The following LUZP2 variants were observed in gnomAD, a reference collection of about 807,000 sequenced individuals.
LUZP2 encodes leucine zipper protein 2.
In LUZP2, 52 loss-of-function variants were observed where a neutral mutation model predicts 51.6. The observed-to-expected ratio is 1.01, with a 90% CI of 0.81 to 1.27. The LOEUF (loss-of-function observed/expected upper bound fraction) is 1.27. Among genes scored for constraint, LUZP2 ranks in the 50% most tolerant of loss-of-function variants. The pLI, the probability that LUZP2 is intolerant of heterozygous loss-of-function variation, is 0.00. For synonymous variants in LUZP2, 154 were observed against 137.3 expected (o/e 1.12, Z -0.85); for missense variants, 436 against 395.4 (o/e 1.10, Z -0.87).
chr11:24,616,081 G>A (rs1854276445), intron 1 of LUZP2, among the ~76,000 whole-genome samples: 1 of 151,358 alleles, frequency 6.6e-6, no homozygotes. Context: ...GTCCTTTGTG[G>A]CATATGTGGT....
Position 24,906,092 on chromosome 11 carries a change from A to G in LUZP2, c.459+39A>G, listed in dbSNP as rs780179375. The G allele has an allele frequency of 5.4e-6, 8 of 1,482,534 alleles. No homozygotes were observed. In the South Asian group the frequency reaches 9.3e-5, roughly 17 times the overall value. The allele number at this position is 1,482,534 out of a possible 1,614,324, so 91.8% of individuals were successfully genotyped here. A position where few individuals can be genotyped will look rare whatever the true frequency, so the allele number is the denominator to read the frequency against. On this transcript the variant is annotated intron_variant, in intron 6 of 11. Transcript: ENST00000336930. ...TGCTTCTTCTAGCTTTAACCAGATA[A>G]AAACAGTATTATTGTCAGATTTTTG...
intron 6 of LUZP2, among the ~76,000 whole-genome samples, chr11:24,908,754 T>A (rs1590716601): frequency 6.7e-6 from 1 of 150,278 alleles, no homozygotes. Context: ...TGTTTGTTTT[T>A]TTTCTTTTTT....
At chr11:24,612,307 G>A (rs1317716360) in intron 1 of LUZP2, among the ~76,000 whole-genome samples, 3 of 152,060 alleles carry the variant, frequency 2.0e-5, no homozygotes, top group Non-Finnish European at 4.4e-5. Flanking sequence ...GTTAATTTTA[G>A]TTTTGAAAAC....
chr11:25,052,440 A>C (rs12281943), intron 10 of LUZP2, among the ~76,000 whole-genome samples: 80,927 of 151,958 alleles, frequency 0.53, 22,281 homozygotes, highest in African/African-American at 0.62. Flanking sequence ...TTTTTGATTC[A>C]TCCAGATGAT....
At chr11:24,607,008 G>A (rs566510461) in intron 1 of LUZP2, among the ~76,000 whole-genome samples, 13 of 152,018 alleles carry the variant, frequency 8.6e-5, no homozygotes, top group South Asian at 4.2e-4. Context: ...TTGTTTTGCT[G>A]CTGAATTGTA....
intron 9 of LUZP2, among the ~76,000 whole-genome samples, chr11:25,016,565 TG>T (rs1160251509): frequency 6.6e-6 from 1 of 152,080 alleles, no homozygotes; most frequent in Admixed American, 6.6e-5. Context: ...TATCATGGTG[TG>T]GGTGTACCTA....
chr11:24,751,264 G>T (rs1859574792), intron 4 of LUZP2, among the ~76,000 whole-genome samples: 1 of 152,094 alleles, frequency 6.6e-6, no homozygotes, highest in African/African-American at 2.4e-5. Context: ...ACGAAATAAT[G>T]AGTGATTCCT....
intron 9 of LUZP2, among the ~76,000 whole-genome samples, chr11:25,042,816 T>C (rs1858114611): frequency 6.6e-6 from 1 of 152,176 alleles, no homozygotes; most frequent in South Asian, 2.1e-4. Context: ...TCTTCTTCTA[T>C]CTTATAAAGA....
intron 1 of LUZP2, among the ~76,000 whole-genome samples, chr11:24,664,614 C>T (rs960076572): frequency 4.6e-5 from 7 of 152,126 alleles, no homozygotes; most frequent in African/African-American, 1.2e-4. Flanking sequence ...CCCTGCTCTG[C>T]GCAGCCTCTG....
chr11:24,643,574 C>A (rs1243452674), intron 1 of LUZP2, among the ~76,000 whole-genome samples: 1 of 152,082 alleles, frequency 6.6e-6, no homozygotes, highest in Non-Finnish European at 1.5e-5. Context: ...CTGCTTCATG[C>A]CAACTACATA....
intron 5 of LUZP2, among the ~76,000 whole-genome samples, chr11:24,838,065 T>C (rs1486706): frequency 0.16 from 23,681 of 149,848 alleles, 2,042 homozygotes; most frequent in African/African-American, 0.22. Flanking sequence ...GTTACTATTT[T>C]TTCTCATTTA....
intron 9 of LUZP2, among the ~76,000 whole-genome samples, chr11:25,032,971 A>C (rs1175733758): frequency 6.6e-6 from 1 of 152,206 alleles, no homozygotes; most frequent in Non-Finnish European, 1.5e-5. Context: ...TAATTTAGAA[A>C]TAACTCTATT....
chr11:24,861,932 A>G (rs889580903), intron 5 of LUZP2, among the ~76,000 whole-genome samples: 3 of 152,090 alleles, frequency 2.0e-5, no homozygotes, highest in Admixed American at 2.0e-4. Context: ...AAATTCCCCT[A>G]CACTTCCTTG....
At chr11:24,722,773 T>G (rs976831724) in intron 1 of LUZP2, among the ~76,000 whole-genome samples, 6 of 151,692 alleles carry the variant, frequency 4.0e-5, no homozygotes, top group Admixed American at 6.6e-5. Context: ...AAAAATTAGC[T>G]GGGCGTGGGG....
chr11:24,524,729 GATAGGACACTGAGGC>G (rs1009904231), intron 1 of LUZP2, among the ~76,000 whole-genome samples: 12 of 151,674 alleles, frequency 7.9e-5, no homozygotes, highest in Admixed American at 7.9e-4. Flanking sequence ...TAGTGTGCTA[GATAGGACACTGAGGC>G]ATATTTGAAT....
At chr11:24,878,348 C>G (rs934213903) in intron 5 of LUZP2, among the ~76,000 whole-genome samples, 7 of 152,012 alleles carry the variant, frequency 4.6e-5, no homozygotes, top group African/African-American at 1.7e-4. Flanking sequence ...GTTCTCTCAG[C>G]TCTTTAAGTA....
At chr11:24,746,323 C>T (rs554230696) in intron 4 of LUZP2, among the ~76,000 whole-genome samples, 4 of 152,122 alleles carry the variant, frequency 2.6e-5, no homozygotes, top group Non-Finnish European at 5.9e-5. Context: ...CTTACTTTCA[C>T]TGGATACAAA....
intron 7 of LUZP2, among the ~76,000 whole-genome samples, chr11:24,944,165 C>T (rs926066558): frequency 1.3e-5 from 2 of 152,084 alleles, no homozygotes; most frequent in Non-Finnish European, 2.9e-5. Context: ...CCAGGCAACA[C>T]CCCAGACCAT....
chr11:24,903,793 G>C (rs1853352684), intron 5 of LUZP2, among the ~76,000 whole-genome samples: 1 of 152,192 alleles, frequency 6.6e-6, no homozygotes, highest in East Asian at 1.9e-4. Flanking sequence ...AGCCACGAGG[G>C]GTTGGACTCA....
Sources: allele counts gnomAD v4.1 joint callset (sites outside exome capture counted in the v4.1 genomes callset), GRCh38; gene constraint gnomAD v4.1.1; transcripts MANE v1.5; gene names NCBI Gene and HGNC (gene_info 2026-07-23, HGNC 2026-07-21).